Variants in CNTNAP2 observed in about 807,000 individuals in gnomAD.
CNTNAP2 encodes the protein contactin-associated protein-like 2.
Under a neutral mutation model 155.2 loss-of-function variants are expected in CNTNAP2, and 98 were observed. The ratio of observed to expected loss-of-function variants is 0.63; its 90% confidence interval spans 0.54 to 0.75. The LOEUF is 0.75. Ranked by LOEUF, CNTNAP2 falls within the 30% of genes least tolerant of loss-of-function variation. The pLI is 0.00. For missense variants in CNTNAP2, 1,727 were observed against 1,688.1 expected (o/e 1.02, Z -0.40); for synonymous variants, 651 against 631.2 (o/e 1.03, Z -0.47).
chr7:146,740,643 T>C (rs1801696348), intron 1 of CNTNAP2, among the ~76,000 whole-genome samples: 1 of 152,176 alleles, frequency 6.6e-6, no homozygotes, highest in Admixed American at 6.5e-5. Flanking sequence ...CCTGAGCCAG[T>C]GTTGACCAGT....
At chr7:147,314,148 T>C (rs1795181591) in intron 9 of CNTNAP2, among the ~76,000 whole-genome samples, 1 of 152,162 alleles carries the variant, frequency 6.6e-6, no homozygotes, top group Non-Finnish European at 1.5e-5. Context: ...AGAAATTTTG[T>C]AAGACTTTTT....
chr7:148,295,213 T>A (rs1434169310), intron 21 of CNTNAP2, among the ~76,000 whole-genome samples: 1 of 152,212 alleles, frequency 6.6e-6, no homozygotes, highest in Non-Finnish European at 1.5e-5. Flanking sequence ...GTAGGAAATT[T>A]AGGAACTTAA....
intron 15 of CNTNAP2, among the ~76,000 whole-genome samples, chr7:148,073,850 T>C (rs1169066888): frequency 6.6e-6 from 1 of 152,124 alleles, no homozygotes; most frequent in Non-Finnish European, 1.5e-5. Flanking sequence ...ACAAATATAG[T>C]ATTCACAAGA....
intron 1 of CNTNAP2, among the ~76,000 whole-genome samples, chr7:146,138,086 T>C (rs1048268323): frequency 6.6e-6 from 1 of 152,032 alleles, no homozygotes; most frequent in Non-Finnish European, 1.5e-5. Context: ...TGACATAATA[T>C]AAGAAAAGCA....
At chr7:147,291,059 T>A (rs1227791397) in intron 8 of CNTNAP2, among the ~76,000 whole-genome samples, 1 of 152,160 alleles carries the variant, frequency 6.6e-6, no homozygotes, top group Non-Finnish European at 1.5e-5. Flanking sequence ...CCTCAGAAAG[T>A]TCCTCGTGCC....
At chr7:146,707,382 A>G (rs1168444758) in intron 1 of CNTNAP2, among the ~76,000 whole-genome samples, 7 of 152,190 alleles carry the variant, frequency 4.6e-5, no homozygotes, top group Non-Finnish European at 1.0e-4. Context: ...GCCTTACTGG[A>G]AGGAGGCCTT....
rs140439948 is a variant in CNTNAP2, at chr7:147,033,147, C to CAT, written c.403-10749_403-10748dup. On this transcript the variant is annotated intron_variant, in intron 3 of 23. Transcript: ENST00000361727. ...GTAGGGTCTAGAGAGGATATTGCTG[C>CAT]ATATATATATATGTATATATATATA... Among the ~76,000 whole-genome samples, 846 of 86,848 alleles carry CAT rather than the reference C, an allele frequency of 9.7e-3. 22 individuals are homozygous for CAT. Among genetic ancestry groups the CAT allele is most frequent in the African/African-American group, 0.037 (782 of 21,076 alleles). The allele number at this position is 86,848 out of a possible 152,430, so 57.0% of individuals were successfully genotyped here.
At chr7:146,756,060 A>AT (rs1696193863) in intron 1 of CNTNAP2, among the ~76,000 whole-genome samples, 1 of 151,966 alleles carries the variant, frequency 6.6e-6, no homozygotes, top group Non-Finnish European at 1.5e-5. Flanking sequence ...TAGAATCTAA[A>AT]TTGATTTTCT....
chr7:146,586,749 CAG>C (rs1798698450), intron 1 of CNTNAP2, among the ~76,000 whole-genome samples: 2 of 152,130 alleles, frequency 1.3e-5, no homozygotes, highest in African/African-American at 4.8e-5. Context: ...AAGTTGGTGA[CAG>C]TTCATATGAG....
At chr7:147,997,051 G>C (rs184481002) in intron 15 of CNTNAP2, among the ~76,000 whole-genome samples, 2 of 152,144 alleles carry the variant, frequency 1.3e-5, no homozygotes, top group Admixed American at 1.3e-4. Context: ...TGGAAGGCAC[G>C]ATCCATAAGC....
chr7:148,345,322 C>T (rs529063645), intron 21 of CNTNAP2, among the ~76,000 whole-genome samples: 3 of 151,814 alleles, frequency 2.0e-5, no homozygotes, highest in Admixed American at 6.6e-5. Context: ...TGGACGAATA[C>T]TGAGCGCTGT....
intron 1 of CNTNAP2, among the ~76,000 whole-genome samples, chr7:146,713,680 A>G (rs189399925): frequency 1.3e-5 from 2 of 152,296 alleles, no homozygotes; most frequent in Admixed American, 1.3e-4. Flanking sequence ...CAGTATATCC[A>G]AACATGTCTT....
Position 148,130,765 on chromosome 7 carries a change from G to A in CNTNAP2, c.2554+12477G>A, listed in dbSNP as rs779298844. Among the ~76,000 whole-genome samples, 6 of 152,190 alleles carry A rather than the reference G, an allele frequency of 3.9e-5. No homozygotes were observed. In the East Asian group the frequency reaches 5.8e-4, roughly 15 times the overall value. ...GACTGACTATGTGTCTGCCTGTTCC[G>A]GAATTGCTTCCCCTTCATTGAAATC... is the stretch of plus-strand genomic sequence containing the variant. On this transcript the variant is annotated intron_variant, in intron 16 of 23. Coordinates refer to ENST00000361727, the MANE Select transcript of CNTNAP2 (RefSeq NM_014141.6).
chr7:147,284,873 A>G (rs1361406829), intron 8 of CNTNAP2, among the ~76,000 whole-genome samples: 2 of 151,844 alleles, frequency 1.3e-5, no homozygotes, highest in Non-Finnish European at 2.9e-5. Flanking sequence ...TAATGGTTTA[A>G]TTGGAGGAAA....
At position 146,574,644 on chromosome 7, in the gene CNTNAP2, T is replaced by G. The variant is rs373883033; in HGVS notation, c.98-199627T>G. Among the ~76,000 whole-genome samples, 6 of 152,266 alleles carry G rather than the reference T, an allele frequency of 3.9e-5. 1 individual carries two copies. Among genetic ancestry groups the G allele is most frequent in the Non-Finnish European group, 1.5e-5 (1 of 68,016 alleles). Reference sequence around the variant, plus strand: ...TGAACCTGGGAGGCGGAGGTTGCTGTGAGCCAAGATCGCACCACTGCACTC... The same window carrying G: ...TGAACCTGGGAGGCGGAGGTTGCTGGGAGCCAAGATCGCACCACTGCACTC... On this transcript the variant is annotated intron_variant, in intron 1 of 23. Transcript: ENST00000361727.
chr7:147,009,765 G>C (rs1362612373), intron 3 of CNTNAP2, among the ~76,000 whole-genome samples: 1 of 152,034 alleles, frequency 6.6e-6, no homozygotes, highest in Non-Finnish European at 1.5e-5. Flanking sequence ...CTTCTACCTA[G>C]AGCTTAAGAG....
At chr7:146,940,169 C>T (rs1057472538) in intron 3 of CNTNAP2, among the ~76,000 whole-genome samples, 5 of 148,930 alleles carry the variant, frequency 3.4e-5, no homozygotes, top group African/African-American at 9.9e-5. Context: ...CATTCTCATG[C>T]GTCATATTTT....
At chr7:148,225,417 G>A (rs140664549) in intron 19 of CNTNAP2, among the ~76,000 whole-genome samples, 11 of 152,258 alleles carry the variant, frequency 7.2e-5, no homozygotes, top group African/African-American at 1.7e-4. Context: ...CAGAAGAACC[G>A]GTGACTGCAA....
chr7:148,062,255 T>A (rs1356010972), intron 15 of CNTNAP2, among the ~76,000 whole-genome samples: 1 of 152,060 alleles, frequency 6.6e-6, no homozygotes, highest in South Asian at 2.1e-4. Context: ...ACCGGGTAAC[T>A]ATAATAGCAG....
Sources: gnomAD v4.1 joint callset for allele counts (sites outside exome capture counted in the v4.1 genomes callset) on GRCh38, gnomAD v4.1.1 for gene constraint, MANE v1.5 for transcripts, NCBI Gene and HGNC (gene_info 2026-07-23, HGNC 2026-07-21) for gene names.